The following SNX4 variants were observed in gnomAD, a reference collection of about 807,000 sequenced individuals.
SNX4 encodes the protein sorting nexin-4.
Under a neutral mutation model 70.8 loss-of-function variants are expected in SNX4, and 49 were observed. That is an observed-to-expected ratio of 0.69 (90% CI 0.55 to 0.88). The LOEUF (loss-of-function observed/expected upper bound fraction) is 0.88, where lower values mean the gene tolerates loss of function less well. SNX4 is among the 40% of genes least tolerant of loss of function. SNX4 has a pLI of 0.00. For synonymous variants in SNX4, 206 were observed against 183.8 expected (o/e 1.12, Z -0.98); for missense variants, 528 against 544.8 (o/e 0.97, Z 0.31).
At chr3:125,519,968 AG>A in intron 1 of SNX4, 63 bp downstream of exon 1, 1 of 633,880 alleles carries the variant, frequency 1.6e-6, no homozygotes, top group Admixed American at 4.3e-5. Context: ...AGCCCAGCCC[AG>A]CCCAGCCCGG....
chr3:125,496,166 C>T (rs1245540883), intron 5 of SNX4, among the ~76,000 whole-genome samples: 8 of 152,042 alleles, frequency 5.3e-5, no homozygotes, highest in African/African-American at 7.2e-5. Flanking sequence ...TGGTGGCACG[C>T]GCCTGTAGTC....
At chr3:125,472,627 C>G (rs1439838043) in intron 8 of SNX4, among the ~76,000 whole-genome samples, 1 of 152,154 alleles carries the variant, frequency 6.6e-6, no homozygotes, top group Non-Finnish European at 1.5e-5. Context: ...ACAGCTGCTT[C>G]TGGCCAATGT....
rs72977707 is a variant in SNX4 at position 125,448,528 on chromosome 3, T to C, written c.1306-702A>G. 7.3e-3 allele frequency among the ~76,000 whole-genome samples: 1,114 copies of C among 152,130 alleles called. 9 individuals carry two copies. Among genetic ancestry groups the C allele is most frequent in the African/African-American group, 0.021 (889 of 41,538 alleles). ...AATTATCACTCTAATAACTAAAGTT[T>C]TGATAAAAACTAATTATGTACTAAA... On this transcript the variant is annotated intron_variant, in intron 13 of 13. Coordinates refer to ENST00000251775, the MANE Select transcript of SNX4 (RefSeq NM_003794.4).
Position 125,489,436 on chromosome 3 carries a change from C to T in SNX4, c.625G>A (p.Ala209Thr). ...TCTGGGTTTTTCACTCTGAATGTTG[C>T]ATTAAGCGCTTTTAACCTGGAGTCT... ...KADSRLKALN[A>T]TFRVKNPDKR... Residue 209 changes from alanine (A) to threonine (T), a missense_variant, in exon 6 of 14, where the codon GCA becomes ACA. Physicochemically the swap from Ala to Thr is moderately conservative, Grantham distance 58. Transcript: ENST00000251775. The T allele has an allele frequency of 6.2e-7, 1 of 1,613,436 alleles. No homozygotes were observed. Among genetic ancestry groups the T allele is most frequent in the Non-Finnish European group, 8.5e-7 (1 of 1,179,624 alleles).
At chr3:125,515,004 A>T (rs1441142670) in intron 1 of SNX4, among the ~76,000 whole-genome samples, 3 of 152,222 alleles carry the variant, frequency 2.0e-5, no homozygotes, top group African/African-American at 7.2e-5. Flanking sequence ...AAAATATCAG[A>T]AAGTGTTGCA....
chr3:125,481,725 C>T (rs1356930011), intron 6 of SNX4, among the ~76,000 whole-genome samples: 1 of 152,166 alleles, frequency 6.6e-6, no homozygotes, highest in Non-Finnish European at 1.5e-5. Flanking sequence ...AAGCGTGAGC[C>T]ACCATGCCTG....
chr3:125,495,692 A>T (rs1934778722), intron 5 of SNX4, among the ~76,000 whole-genome samples: 1 of 152,154 alleles, frequency 6.6e-6, no homozygotes, highest in African/African-American at 2.4e-5. Context: ...AGAATCACTA[A>T]AGTTACGGCC....
chr3:125,500,891 CAA>C lies in SNX4; in HGVS notation c.264-2699_264-2698del, dbSNP rs11293773. 3.4e-3 allele frequency among the ~76,000 whole-genome samples: 434 copies of C among 125,808 alleles called. 5 individuals carry two copies. The highest frequency in any genetic ancestry group is 9.7e-3 in the African/African-American group (331 of 34,196). 82.5% of individuals were successfully genotyped at this position (125,808 alleles called of 152,430 possible). Reference sequence around the variant, plus strand: ...AAGTATTTTTTAGGTGGCTAATTTACAAAAAAAAAAAAAATTACAGAAACAAA... The same window carrying C: ...AAGTATTTTTTAGGTGGCTAATTTACAAAAAAAAAAAATTACAGAAACAAA... On this transcript the variant is annotated intron_variant, in intron 2 of 13. Transcript: ENST00000251775.
intron 1 of SNX4, among the ~76,000 whole-genome samples, chr3:125,506,923 A>C (rs370902614): frequency 6.9e-6 from 1 of 144,548 alleles, no homozygotes; most frequent in East Asian, 2.3e-4. Flanking sequence ...AAAAAGTGGC[A>C]GGGCATGATG....
chr3:125,496,720 GATC>G (rs1387092183), intron 5 of SNX4, among the ~76,000 whole-genome samples: 1 of 152,134 alleles, frequency 6.6e-6, no homozygotes, highest in African/African-American at 2.4e-5. Context: ...TTGATTTTCA[GATC>G]ATCATCTCAT....
At chr3:125,496,882 G>A (rs752148342) in intron 5 of SNX4, among the ~76,000 whole-genome samples, 2 of 152,036 alleles carry the variant, frequency 1.3e-5, no homozygotes, top group African/African-American at 4.8e-5. Flanking sequence ...ACAGACAGAA[G>A]AAGCATGACT....
In SNX4 at chr3:125,520,054, T is replaced by C; in HGVS notation, c.119A>G (p.Glu40Gly). The change falls in exon 1 of 14, where the codon GAA becomes GGA. Residue 40 changes from glutamate (E) to glycine (G), a missense_variant. Physicochemically the swap from Glu to Gly is moderately conservative, Grantham distance 98. This residue lies in a region of SNX4 where 341 missense variants were observed against 312.2 expected (regional missense o/e 1.09). Transcript: ENST00000251775. The stretch of plus-strand genomic sequence containing the variant: ...CACCGTGTCGACCCCAGAGCTCTCT[T>C]CTCCGGCCCCCTCCGCTTCCTTGCC... ...AVGKEAEGAG[E>G]ESSGVDTMTH... The C allele has an allele frequency of 1.3e-6, 2 of 1,559,734 alleles. No homozygotes were observed. The highest frequency in any genetic ancestry group is 1.4e-5 in the African/African-American group (1 of 70,146).
intron 1 of SNX4, chr3:125,517,060 C>G (rs1361492849): frequency 6.6e-6 from 1 of 152,172 alleles, no homozygotes; most frequent in African/African-American, 2.4e-5. Context: ...TTCCCCCCTT[C>G]TCACTACTGC....
intron 2 of SNX4, among the ~76,000 whole-genome samples, chr3:125,498,593 A>C (rs1008355689): frequency 1.3e-5 from 2 of 152,208 alleles, no homozygotes; most frequent in African/African-American, 4.8e-5. Context: ...TTTCATATTT[A>C]ATCCTTATGA....
chr3:125,508,396 T>A (rs1453987711), intron 1 of SNX4, among the ~76,000 whole-genome samples: 1 of 151,970 alleles, frequency 6.6e-6, no homozygotes, highest in African/African-American at 2.4e-5. Flanking sequence ...TGAAACCCCG[T>A]CACTACTAAA....
chr3:125,456,776 T>C (rs910116749), intron 11 of SNX4, among the ~76,000 whole-genome samples: 1 of 152,202 alleles, frequency 6.6e-6, no homozygotes, highest in Non-Finnish European at 1.5e-5. Context: ...TTCTTCTGCC[T>C]CACCTTCCCG....
chr3:125,463,757 C>A (rs1446374919), intron 9 of SNX4, among the ~76,000 whole-genome samples: 1 of 152,156 alleles, frequency 6.6e-6, no homozygotes, highest in Non-Finnish European at 1.5e-5. Context: ...AGCTAATTAA[C>A]ATATCCATCA....
At chr3:125,469,742 G>GT (rs140653507) in intron 8 of SNX4, among the ~76,000 whole-genome samples, 10,670 of 152,288 alleles carry the variant, frequency 0.07, 478 homozygotes, top group Non-Finnish European at 0.1. Flanking sequence ...TAAGCGGAAG[G>GT]TAAGTATCAT....
At chr3:125,504,332 CAAAA>C (rs759738129) in intron 2 of SNX4, among the ~76,000 whole-genome samples, 9 of 60,214 alleles carry the variant, frequency 1.5e-4, no homozygotes, top group South Asian at 5.8e-4. Flanking sequence ...GACTCCATCT[CAAAA>C]AAAAAAAAAA....
Sources: allele counts gnomAD v4.1 joint callset (sites outside exome capture counted in the v4.1 genomes callset), GRCh38; gene constraint gnomAD v4.1.1; regional missense constraint gnomAD v4.1.1; transcripts MANE v1.5; gene names NCBI Gene and HGNC (gene_info 2026-07-23, HGNC 2026-07-21).